The following KCNH4 variants were observed in gnomAD, a reference collection of about 807,000 sequenced individuals.
KCNH4 encodes voltage-gated delayed rectifier potassium channel KCNH4.
KCNH4 carries 33 observed loss-of-function variants against 90.7 expected under a neutral mutation model. That is an observed-to-expected ratio of 0.36 (90% CI 0.28 to 0.49). KCNH4 has a LOEUF of 0.49. KCNH4 is among the 20% of genes least tolerant of loss of function. The pLI, the probability that KCNH4 is intolerant of heterozygous loss-of-function variation, is 0.98. For synonymous variants in KCNH4, 551 were observed against 581.7 expected (o/e 0.95, Z 0.76); for missense variants, 1,044 against 1,387.1 (o/e 0.75, Z 3.93).
chr17:42,158,366 TAAAG>T (rs1362922211), intron 16 of KCNH4, among the ~76,000 whole-genome samples: 1 of 148,446 alleles, frequency 6.7e-6, no homozygotes, highest in Non-Finnish European at 1.5e-5. Flanking sequence ...CCGTCTCTAC[TAAAG>T]ATACAAAAAA....
chr17:42,177,364 AT>A (rs766097116), intron 4 of KCNH4, among the ~76,000 whole-genome samples: 2,415 of 124,960 alleles, frequency 0.019, 18 homozygotes, highest in Middle Eastern at 0.051. Flanking sequence ...ATAATTTTTA[AT>A]TTTTTTTTTT....
chr17:42,160,020 G>GCCTGGGA lies in KCNH4; in HGVS notation c.*19_*20insTCCCAGG. ...GAGCGGCAGCGCCCACCCCAGACAG[G>GCCTGGGA]CCTGGGCCCTGGGCCAGGGTCAGTG... On this transcript the variant is annotated 3_prime_UTR_variant, in exon 16 of 17. Coordinates refer to ENST00000264661, the MANE Select transcript of KCNH4 (RefSeq NM_012285.3). The GCCTGGGA allele has an allele frequency of 6.6e-7, 1 of 1,505,116 alleles. No homozygotes were observed. Among genetic ancestry groups the GCCTGGGA allele is most frequent in the Non-Finnish European group, 8.9e-7 (1 of 1,126,238 alleles). The allele number at this position is 1,505,116 out of a possible 1,614,324, so 93.2% of individuals were successfully genotyped here.
At chr17:42,158,406 C>G (rs999667335) in intron 16 of KCNH4, among the ~76,000 whole-genome samples, 1 of 148,802 alleles carries the variant, frequency 6.7e-6, no homozygotes, top group Non-Finnish European at 1.5e-5. Flanking sequence ...TGGCAGGCGC[C>G]GGTAGTCCCA....
chr17:42,166,858 C>T (rs914197290), intron 9 of KCNH4, among the ~76,000 whole-genome samples: 1 of 152,162 alleles, frequency 6.6e-6, no homozygotes, highest in Non-Finnish European at 1.5e-5. Flanking sequence ...GTCAGGAGAC[C>T]AGGAGTCAGC....
rs759788220 is a variant in KCNH4 at position 42,163,900 on chromosome 17, G to A, written c.2183C>T (p.Ala728Val). ...SDKTLPSITE[A>V]ESGAEPGGGP... ...ACCCCCAGGCTCCGCGCCACTCTCG[G>A]CCTCTGTGATGGATGGCAGCGTCTT... is the stretch of plus-strand genomic sequence containing the variant. The change falls in exon 13 of 17, where the codon GCC becomes GTC. Residue 728 changes from alanine (A) to valine (V), a missense_variant. Ala to Val is a moderately conservative substitution (Grantham distance 64). Transcript: ENST00000264661. This position sits in a 1 kb window ranked among gnomAD's most constrained non-coding sequence, Gnocchi z 5.4. The A allele has an allele frequency of 6.5e-7, 1 of 1,546,610 alleles. No individual in the cohort carries two copies. The highest frequency in any genetic ancestry group is 1.2e-5 in the South Asian group (1 of 83,728).
At position 42,181,025 on chromosome 17, in the gene KCNH4, G is replaced by A. The variant is rs1039196287; in HGVS notation, c.-80C>T. The A allele has an allele frequency of 3.2e-5, 42 of 1,324,034 alleles. No homozygotes were observed. The highest frequency in any genetic ancestry group is 1.3e-5 in the South Asian group (1 of 76,158). The allele number at this position is 1,324,034 out of a possible 1,614,324, so 82.0% of individuals were successfully genotyped here. A position where few individuals can be genotyped will look rare whatever the true frequency, so the allele number is the denominator to read the frequency against. ...GCCGGAGGGGGCGCGCTGTCGGAGG[G>A]GCCGGGGCGCCCCATGCGCCCTCCT... On this transcript the variant is annotated 5_prime_UTR_variant, in exon 1 of 17. Transcript: ENST00000264661.
rs2079875868 is a variant in KCNH4, at chr17:42,178,213, T to C, written c.472A>G (p.Arg158Gly). The change falls in exon 4 of 17, where the codon AGA becomes GGA. Residue 158 changes from arginine to glycine, a missense_variant. Transcript: ENST00000264661. ...CGAAATTTCCAGGTGGCTCCCCTTC[T>C]ACCAAGGGAGTTTTCTGTTGGGAAG... ...GDSNHENSLG[R>G]RGATWKFRSA... 2 of 1,614,192 alleles carry C rather than the reference T, an allele frequency of 1.2e-6. No homozygotes were observed. The highest frequency in any genetic ancestry group is 1.7e-6 in the Non-Finnish European group (2 of 1,180,036).
rs955774151 is a variant in KCNH4 at position 42,165,555 on chromosome 17, C to T, written c.1979G>A (p.Arg660Gln). The T allele has an allele frequency of 2.0e-5, 32 of 1,614,094 alleles. No homozygotes were observed. Among genetic ancestry groups the T allele is most frequent in the African/African-American group, 5.3e-5 (4 of 74,932 alleles). Residue 660 changes from arginine to glutamine, a missense_variant, in exon 11 of 17, where the codon CGA becomes CAA. Arg to Gln is a conservative substitution (Grantham distance 43, BLOSUM62 1). Coordinates refer to ENST00000264661, the MANE Select transcript of KCNH4 (RefSeq NM_012285.3). ...TYCGLQQLSS[R>Q]GLAEVLRLYP... ...GAGCCTCAGGACCTCAGCCAGCCCT[C>T]GGCTGCTCAGCTGCTGCAGGCCACA...
Position 42,178,875 on chromosome 17 carries a change from A to G in KCNH4, c.228T>C (p.Ser76=). The change falls in exon 2 of 17, where the codon AGT becomes AGC. Residue 76 remains serine, a synonymous_variant. Coordinates refer to ENST00000264661, the MANE Select transcript of KCNH4 (RefSeq NM_012285.3). The part of the protein sequence containing the change: ...SCRFLYGPET[S]EPALQRLHKA... Reference sequence around the variant, plus strand: ...TGTGCAGACGCTGCAGGGCTGGCTCACTGGTCTCTGGGCCGTAGAGGAAAC... The same window carrying G: ...TGTGCAGACGCTGCAGGGCTGGCTCGCTGGTCTCTGGGCCGTAGAGGAAAC... 6.2e-7 allele frequency: 1 copy of G among 1,614,124 alleles called. No homozygotes were observed. The highest frequency in any genetic ancestry group is 8.5e-7 in the Non-Finnish European group (1 of 1,180,034).
At chr17:42,160,658 C>T (rs993713311) in intron 15 of KCNH4, among the ~76,000 whole-genome samples, 7 of 152,150 alleles carry the variant, frequency 4.6e-5, no homozygotes, top group African/African-American at 1.2e-4. Flanking sequence ...CACACACACG[C>T]GCGCGCGAGC....
In KCNH4 at chr17:42,163,484, G is replaced by T; in HGVS notation, c.2477+122C>A. On this transcript the variant is annotated intron_variant, in intron 13 of 16. Coordinates refer to ENST00000264661, the MANE Select transcript of KCNH4 (RefSeq NM_012285.3). This position sits in a 1 kb window ranked among gnomAD's most constrained non-coding sequence, Gnocchi z 5.4. The stretch of plus-strand genomic sequence containing the variant: ...GGGGTTGCAAGCTGTGGTTGGAAGG[G>T]TGCGGTGGGCACACGGGCAGAGACG... The T allele has an allele frequency of 1.3e-6, 1 of 750,928 alleles. No homozygotes were observed. Among genetic ancestry groups the T allele is most frequent in the South Asian group, 1.7e-5 (1 of 59,386 alleles). The allele number at this position is 750,928 out of a possible 1,614,324, so 46.5% of individuals were successfully genotyped here.
rs149788654 is a variant in KCNH4, at chr17:42,170,192, G to A, written c.1305C>T (p.Ser435=). Residue 435 remains serine, a synonymous_variant, in exon 8 of 17, where the codon AGC becomes AGT. Coordinates refer to ENST00000264661, the MANE Select transcript of KCNH4 (RefSeq NM_012285.3). ...TGCCAAAGCCCACACTGGTGAGGCT[G>A]CTTAGAGTGAAGTACAGTGCCGCGA... ...AYIAALYFTL[S]SLTSVGFGNV... is the part of the protein sequence containing the mutation. The A allele has an allele frequency of 3.5e-5, 56 of 1,613,374 alleles. No homozygotes were observed. Among genetic ancestry groups the A allele is most frequent in the Non-Finnish European group, 4.7e-5 (55 of 1,179,992 alleles).
intron 9 of KCNH4, among the ~76,000 whole-genome samples, chr17:42,167,953 C>G (rs949154237): frequency 2.0e-5 from 3 of 152,212 alleles, no homozygotes; most frequent in Non-Finnish European, 4.4e-5. Flanking sequence ...CTCCGCAGCA[C>G]TCACATGCCC....
At chr17:42,157,800 G>A (rs1043186845) in intron 16 of KCNH4, among the ~76,000 whole-genome samples, 3 of 150,662 alleles carry the variant, frequency 2.0e-5, no homozygotes, top group South Asian at 2.1e-4. Context: ...AGAGATGGGT[G>A]GGGGGGGTGT....
chr17:42,169,879 G>A (rs759602950), intron 8 of KCNH4, among the ~76,000 whole-genome samples: 1 of 152,204 alleles, frequency 6.6e-6, no homozygotes, highest in Non-Finnish European at 1.5e-5. Context: ...CCCACCATTA[G>A]GTCATGAACC....
intron 15 of KCNH4, among the ~76,000 whole-genome samples, chr17:42,161,207 C>A (rs1054583573): frequency 6.6e-6 from 1 of 152,102 alleles, no homozygotes; most frequent in Non-Finnish European, 1.5e-5. Context: ...GGATTACAGG[C>A]ATGAGCCACC....
intron 6 of KCNH4, among the ~76,000 whole-genome samples, chr17:42,172,259 G>A (rs1469204663): frequency 6.6e-6 from 1 of 150,726 alleles, no homozygotes; most frequent in Non-Finnish European, 1.5e-5. Flanking sequence ...CTGGAGTGCA[G>A]TGGCGAGATC....
chr17:42,158,739 G>A (rs1344548914), intron 16 of KCNH4, among the ~76,000 whole-genome samples: 1 of 150,942 alleles, frequency 6.6e-6, no homozygotes, highest in Non-Finnish European at 1.5e-5. Flanking sequence ...GGAGCCTGAG[G>A]CAGGAGAATG....
chr17:42,169,665 C>T lies in KCNH4; in HGVS notation c.1402G>A (p.Ala468Thr), dbSNP rs1421636700. The T allele has an allele frequency of 4.3e-6, 7 of 1,613,720 alleles. No individual in the cohort carries two copies. The highest frequency in any genetic ancestry group is 2.2e-5 in the East Asian group (1 of 44,876). ...CTMLIGALMH[A>T]VVFGNVTAII... The stretch of plus-strand genomic sequence containing the variant: ...GCTGTCACGTTCCCGAACACCACAG[C>T]GTGCATCAGGGCTGCAGCAGCAGCA... The change falls in exon 9 of 17, where the codon GCT becomes ACT. Residue 468 changes from alanine to threonine, a missense_variant. Around this residue, in one of 4 missense-constraint regions of KCNH4, gnomAD observed 318 missense variants for 479.6 expected, o/e 0.66. Coordinates refer to ENST00000264661, the MANE Select transcript of KCNH4 (RefSeq NM_012285.3).
Sources: gnomAD v4.1 joint callset for allele counts (sites outside exome capture counted in the v4.1 genomes callset) on GRCh38, gnomAD v4.1.1 for gene constraint, gnomAD v4.1.1 regional missense constraint, Gnocchi (gnomAD v3.1) non-coding constraint, MANE v1.5 for transcripts, NCBI Gene and HGNC (gene_info 2026-07-23, HGNC 2026-07-21) for gene names.